The following PHLPP1 variants were observed in gnomAD, a reference collection of about 807,000 sequenced individuals.
PHLPP1 encodes PH domain leucine-rich repeat-containing protein phosphatase 1.
PHLPP1 carries 42 observed loss-of-function variants against 117.2 expected under a neutral mutation model. The observed-to-expected ratio is 0.36, with a 90% CI of 0.28 to 0.46. The LOEUF is 0.46. Among genes scored for constraint, PHLPP1 ranks in the 20% least tolerant of loss-of-function variants. The probability of loss-of-function intolerance (pLI) is 1.00; values close to 1 mark genes in which losing one functional copy is unlikely to be tolerated. For synonymous variants in PHLPP1, 1,042 were observed against 970.7 expected (o/e 1.07, Z -1.37); for missense variants, 2,084 against 2,241.9 (o/e 0.93, Z 1.42).
intron 1 of PHLPP1, among the ~76,000 whole-genome samples, chr18:62,752,464 C>T (rs552463767): frequency 6.6e-6 from 1 of 152,282 alleles, no homozygotes; most frequent in East Asian, 1.9e-4. Flanking sequence ...TTACAACAGA[C>T]GCTGAATTGT....
intron 4 of PHLPP1, among the ~76,000 whole-genome samples, chr18:62,890,829 A>AT (rs374486773): frequency 3.8e-4 from 58 of 152,006 alleles, no homozygotes; most frequent in African/African-American, 1.3e-3. Context: ...TGTCTAGTGG[A>AT]TTTTTTTTCT....
intron 2 of PHLPP1, among the ~76,000 whole-genome samples, chr18:62,835,673 G>T (rs1428782908): frequency 6.6e-6 from 1 of 151,910 alleles, no homozygotes; most frequent in Non-Finnish European, 1.5e-5. Flanking sequence ...GCAACTGTGG[G>T]GTTAATAGTA....
intron 1 of PHLPP1, among the ~76,000 whole-genome samples, chr18:62,753,823 A>G (rs1312065443): frequency 2.0e-5 from 3 of 152,226 alleles, no homozygotes; most frequent in South Asian, 2.1e-4. Context: ...AGTTCAATTA[A>G]TGAAATTGAC....
intron 4 of PHLPP1, among the ~76,000 whole-genome samples, chr18:62,881,272 T>A (rs1243133054): frequency 1.3e-5 from 2 of 152,170 alleles, no homozygotes; most frequent in Non-Finnish European, 2.9e-5. Flanking sequence ...GGGTTTTTTT[T>A]AATTAAAGAA....
intron 3 of PHLPP1, among the ~76,000 whole-genome samples, chr18:62,859,819 A>G (rs1325904485): frequency 6.6e-6 from 1 of 152,186 alleles, no homozygotes; most frequent in Admixed American, 6.5e-5. Flanking sequence ...ACCTGATGGA[A>G]TAATCTATGT....
intron 8 of PHLPP1, 69 bp from the exon 9 acceptor site, chr18:62,914,844 A>C: frequency 9.9e-7 from 1 of 1,006,548 alleles, no homozygotes; most frequent in Admixed American, 2.2e-5. Flanking sequence ...TATTCTTTGT[A>C]ATCAATTTGA....
intron 1 of PHLPP1, among the ~76,000 whole-genome samples, chr18:62,731,855 C>A (rs190091749): frequency 6.6e-6 from 1 of 152,178 alleles, no homozygotes; most frequent in African/African-American, 2.4e-5. Flanking sequence ...AAACCAGGTA[C>A]AACATTCACT....
chr18:62,752,498 A>C (rs1488589715), intron 1 of PHLPP1, among the ~76,000 whole-genome samples: 2 of 152,234 alleles, frequency 1.3e-5, no homozygotes, highest in Non-Finnish European at 2.9e-5. Flanking sequence ...GTCTTTTCAA[A>C]TAGATATGCA....
chr18:62,764,178 A>C (rs993607740), intron 1 of PHLPP1, among the ~76,000 whole-genome samples: 2 of 150,976 alleles, frequency 1.3e-5, no homozygotes, highest in African/African-American at 2.4e-5. Context: ...AAAAAAAAAA[A>C]AAAAACAACA....
intron 14 of PHLPP1, among the ~76,000 whole-genome samples, chr18:62,969,071 TTTTG>T (rs1197816278): frequency 6.6e-6 from 1 of 152,054 alleles, no homozygotes; most frequent in East Asian, 1.9e-4. Context: ...TTTTTGTTTG[TTTTG>T]TTTGTTTGTT....
chr18:62,873,223 TTGTA>T (rs1915954069), intron 4 of PHLPP1, among the ~76,000 whole-genome samples: 2 of 152,220 alleles, frequency 1.3e-5, no homozygotes, highest in African/African-American at 4.8e-5. Context: ...TAGTAATAAT[TTGTA>T]TGTGTGTGTT....
At chr18:62,779,649 G>A (rs1392155828) in intron 1 of PHLPP1, 1 of 151,994 alleles carries the variant, frequency 6.6e-6, no homozygotes, top group Non-Finnish European at 1.5e-5. Context: ...ATTTAATTAT[G>A]GTAGAAACAG....
At position 62,782,040 on chromosome 18, in the gene PHLPP1, G is replaced by T. The variant is rs77068202; in HGVS notation, c.1577-47995G>T. Among the ~76,000 whole-genome samples the T allele has an allele frequency of 2.6e-4, 40 of 152,336 alleles. No homozygotes were observed. In the East Asian group the frequency reaches 5.4e-3, roughly 21 times the overall value. ...TCACATTCTTTTTTGTTATGGTCAT[G>T]AATTCTCTGTTGTCCTAAGTCCTAT... is the stretch of plus-strand genomic sequence containing the variant. On this transcript the variant is annotated intron_variant, in intron 1 of 16. Coordinates refer to ENST00000262719, the MANE Select transcript of PHLPP1 (RefSeq NM_194449.4).
In PHLPP1 at chr18:62,895,802, T is replaced by C. The variant is rs748856246; in HGVS notation, c.2235T>C (p.Asp745=). ...ATAGCTTACAGACATTTTTGTTGGA[T>C]GGAAACTTTCTCCAATCCCTTCCTG... ...VMHNLQTFLL[D]GNFLQSLPAE... Residue 745 remains aspartate (D), a synonymous_variant, in exon 6 of 17, where the codon GAT becomes GAC. Coordinates refer to ENST00000262719, the MANE Select transcript of PHLPP1 (RefSeq NM_194449.4). The C allele has an allele frequency of 5.6e-6, 9 of 1,610,610 alleles. No homozygotes were observed. The Admixed American group carries it at 1.5e-4, about 27-fold the overall frequency.
chr18:62,879,406 G>A (rs912243971), intron 4 of PHLPP1, among the ~76,000 whole-genome samples: 2 of 144,806 alleles, frequency 1.4e-5, no homozygotes, highest in African/African-American at 2.6e-5. Flanking sequence ...TTCTGGATAT[G>A]TGTGTGTGTG....
intron 3 of PHLPP1, among the ~76,000 whole-genome samples, chr18:62,856,466 T>C (rs896198856): frequency 2.6e-5 from 4 of 152,162 alleles, no homozygotes; most frequent in Admixed American, 1.3e-4. Flanking sequence ...CTGGCTGTAT[T>C]GCCCAGGCTG....
At chr18:62,961,760 A>G (rs1199369300) in intron 13 of PHLPP1, among the ~76,000 whole-genome samples, 1 of 152,224 alleles carries the variant, frequency 6.6e-6, no homozygotes, top group Non-Finnish European at 1.5e-5. Context: ...TTATTGTAAA[A>G]CAAGGTATTA....
chr18:62,915,087 G>A (rs1259011711), intron 9 of PHLPP1, 79 bp downstream of exon 9: 1 of 1,004,422 alleles, frequency 1.0e-6, no homozygotes, highest in Non-Finnish European at 1.5e-6. Flanking sequence ...GTTTAACTTG[G>A]TATCATAAGC....
At chr18:62,743,024 T>C (rs543997289) in intron 1 of PHLPP1, among the ~76,000 whole-genome samples, 17 of 152,196 alleles carry the variant, frequency 1.1e-4, no homozygotes, top group Non-Finnish European at 2.2e-4. Context: ...TTCTAATTTG[T>C]ATGTCCTGTT....
Sources: gnomAD v4.1 joint callset for allele counts (sites outside exome capture counted in the v4.1 genomes callset) on GRCh38, gnomAD v4.1.1 for gene constraint, MANE v1.5 for transcripts, NCBI Gene and HGNC (gene_info 2026-07-23, HGNC 2026-07-21) for gene names.